Variants in ZNFX1 observed in about 807,000 individuals in gnomAD.
The protein encoded by ZNFX1 is zinc finger NFX1-type containing 1, also known as NFX1-type zinc finger-containing protein 1.
In ZNFX1, 78 loss-of-function variants were observed where a neutral mutation model predicts 179.8. That is an observed-to-expected ratio of 0.43 (90% CI 0.36 to 0.52). ZNFX1 has a LOEUF of 0.52. Among genes scored for constraint, ZNFX1 ranks in the 20% least tolerant of loss-of-function variants. The pLI is 0.00. For missense variants in ZNFX1, 1,927 were observed against 2,386.6 expected (o/e 0.81, Z 4.01); for synonymous variants, 848 against 868.5 (o/e 0.98, Z 0.42).
In ZNFX1 at chr20:49,248,546, C is replaced by A; in HGVS notation, c.4478G>T (p.Arg1493Leu). 1.2e-6 allele frequency: 2 copies of A among 1,614,192 alleles called. No homozygotes were observed. Among genetic ancestry groups the A allele is most frequent in the Non-Finnish European group, 1.7e-6 (2 of 1,180,040 alleles). The change falls in exon 14 of 14, where the codon CGC becomes CTC. Residue 1493 changes from arginine (R) to leucine (L), a missense_variant. Transcript: ENST00000396105. The surrounding 1 kb of genome is among the most constrained non-coding windows in gnomAD (Gnocchi z 4.6). ...CPPCQRTCQN[R>L]CVHSQCKKKC... is the part of the protein sequence containing the mutation. ...CTTCTTGCACTGGCTGTGGACACAGCGGTTCTGACAGGTCCGCTGGCAGGG... is the reference window on the plus strand; with the variant it reads ...CTTCTTGCACTGGCTGTGGACACAGAGGTTCTGACAGGTCCGCTGGCAGGG...
At chr20:49,275,120 C>T (rs1981521669) in intron 2 of ZNFX1, among the ~76,000 whole-genome samples, 1 of 131,186 alleles carries the variant, frequency 7.6e-6, no homozygotes, top group African/African-American at 2.5e-5. Flanking sequence ...GAGACTCTGT[C>T]TCAAAAAAAA....
chr20:49,255,126 C>A (rs1158773962), intron 9 of ZNFX1, among the ~76,000 whole-genome samples: 1 of 150,890 alleles, frequency 6.6e-6, no homozygotes, highest in Non-Finnish European at 1.5e-5. Flanking sequence ...CTCACTACAA[C>A]CTCCACCTCC....
chr20:49,277,123 T>G (rs1244576689), intron 1 of ZNFX1, among the ~76,000 whole-genome samples: 1 of 151,724 alleles, frequency 6.6e-6, no homozygotes, highest in Non-Finnish European at 1.5e-5. Context: ...AATCAAGGCC[T>G]AAAGGGCACG....
chr20:49,273,805 T>C (rs238187), intron 2 of ZNFX1, among the ~76,000 whole-genome samples: 101,764 of 152,006 alleles, frequency 0.67, 35,012 homozygotes, highest in Non-Finnish European at 0.76. Context: ...TGGTGCACGC[T>C]TGTGGTCCCA....
intron 4 of ZNFX1, among the ~76,000 whole-genome samples, 155 bp from the exon 5 acceptor site, chr20:49,265,019 G>A (rs1011888973): frequency 6.6e-6 from 1 of 152,130 alleles, no homozygotes; most frequent in Non-Finnish European, 1.5e-5. Flanking sequence ...GAAGGTCCCC[G>A]AGAAGATGTG....
At chr20:49,250,121 A>T (rs1191757085) in intron 13 of ZNFX1, among the ~76,000 whole-genome samples, 2 of 152,034 alleles carry the variant, frequency 1.3e-5, no homozygotes, top group African/African-American at 4.8e-5. Flanking sequence ...TGGGCGTGGT[A>T]GTGGGCGCCT....
At chr20:49,256,743 G>C (rs1400835434) in intron 8 of ZNFX1, among the ~76,000 whole-genome samples, 1 of 152,168 alleles carries the variant, frequency 6.6e-6, no homozygotes, top group Non-Finnish European at 1.5e-5. Context: ...ATACTGAACT[G>C]AACTAGATCA....
intron 4 of ZNFX1, 75 bp downstream of exon 4, chr20:49,266,060 T>C (rs530735495): frequency 1.6e-5 from 25 of 1,526,854 alleles, no homozygotes; most frequent in Admixed American, 4.0e-5. Flanking sequence ...TGAAGAGCAA[T>C]AGAAAGCTAC....
At chr20:49,257,290 G>C (rs1980991548) in intron 8 of ZNFX1, 127 bp downstream of exon 8, 14 of 1,328,078 alleles carry the variant, frequency 1.1e-5, no homozygotes, top group Non-Finnish European at 1.2e-5. Flanking sequence ...TCTCATACCA[G>C]GGGTAGGCTG....
Position 49,257,682 on chromosome 20 carries a change from G to T in ZNFX1, c.2417-18C>A, listed in dbSNP as rs772178787. 1 of 1,599,888 alleles carries T rather than the reference G, an allele frequency of 6.3e-7. No individual in the cohort carries two copies. Among genetic ancestry groups the T allele is most frequent in the Non-Finnish European group, 8.5e-7 (1 of 1,175,470 alleles). ...TGCCTGGGCTAAGAGAGAGAAACAG[G>T]CAGGAGAGAGATGAAAACTCTTTTT... On this transcript the variant is annotated intron_variant, in intron 7 of 13. Transcript: ENST00000396105.
chr20:49,248,939 G>A lies in ZNFX1; in HGVS notation c.4085C>T (p.Pro1362Leu). The A allele has an allele frequency of 6.2e-7, 1 of 1,614,230 alleles. No individual in the cohort carries two copies. The highest frequency in any genetic ancestry group is 8.5e-7 in the Non-Finnish European group (1 of 1,180,042). Reference sequence around the variant, plus strand: ...GAAATCTGACTCAGGCACGGAACAAGGGACCATTTGTTCATGGCCGCACCG... The same window carrying A: ...GAAATCTGACTCAGGCACGGAACAAAGGACCATTTGTTCATGGCCGCACCG... ...IPRCGHEQMV[P>L]CSVPESDFCC... Residue 1362 changes from proline (P) to leucine (L), a missense_variant, in exon 14 of 14, where the codon CCT becomes CTT. Coordinates refer to ENST00000396105, the MANE Select transcript of ZNFX1 (RefSeq NM_021035.3). The surrounding 1 kb of genome is among the most constrained non-coding windows in gnomAD (Gnocchi z 4.6).
At position 49,248,084 on chromosome 20, in the gene ZNFX1, T is replaced by C; in HGVS notation, c.4940A>G (p.Lys1647Arg). ...KQRLEEIEII[K>R]EKIQGSAGEI... is the part of the protein sequence containing the mutation. ...CCCTGCTGAGCCCTGGATCTTTTCC[T>C]TGATGATTTCAATCTCTTCTAGCCG... Residue 1647 changes from lysine (K) to arginine (R), a missense_variant, in exon 14 of 14, where the codon AAG (lysine) becomes AGG (arginine). By Grantham distance (26) the Lys-to-Arg change is conservative. Transcript: ENST00000396105. The surrounding 1 kb of genome is among the most constrained non-coding windows in gnomAD (Gnocchi z 4.6). 4.3e-6 allele frequency: 7 copies of C among 1,614,238 alleles called. No individual in the cohort carries two copies. The highest frequency in any genetic ancestry group is 5.9e-6 in the Non-Finnish European group (7 of 1,180,046).
chr20:49,247,281 G>C lies in ZNFX1; in HGVS notation c.5743C>G (p.Gln1915Glu). ...GTACCATCTTCCTACATCATCCCCT[G>C]GATCTCCTCAAAGTTCATCAGGTTG... ...ANNLMNFEEI[Q>E]GMM The change falls in exon 14 of 14, where the codon CAG (glutamine) becomes GAG (glutamate). Residue 1915 changes from glutamine (Q) to glutamate (E), a missense_variant. Physicochemically the swap from Gln to Glu is conservative, Grantham distance 29. Coordinates refer to ENST00000396105, the MANE Select transcript of ZNFX1 (RefSeq NM_021035.3). The C allele has an allele frequency of 6.2e-7, 1 of 1,606,966 alleles. No homozygotes were observed. The highest frequency in any genetic ancestry group is 8.5e-7 in the Non-Finnish European group (1 of 1,175,196).
chr20:49,264,672 G>A (rs377300834), intron 5 of ZNFX1, 44 bp downstream of exon 5: 1 of 1,602,962 alleles, frequency 6.2e-7, no homozygotes, highest in African/African-American at 1.3e-5. Flanking sequence ...ATCTTGTTTA[G>A]GTCCCTCTTG....
Position 49,270,157 on chromosome 20 carries a change from C to G in ZNFX1, c.1655G>C (p.Gly552Ala), listed in dbSNP as rs764917083. ...TAAGGGGGTAAAGTCGTATCTGCCC[C>G]CCATTAGCAAGTACCTTGGCTCCTT... is the stretch of plus-strand genomic sequence containing the variant. The part of the protein sequence containing the change: ...HVKEPRYLLM[G>A]GRYDFTPLIE... The change falls in exon 3 of 14, where the codon GGG becomes GCG. Residue 552 changes from glycine to alanine, a missense_variant. Gly to Ala is a moderately conservative substitution (Grantham distance 60, BLOSUM62 0). Transcript: ENST00000396105. This position sits in a 1 kb window ranked among gnomAD's most constrained non-coding sequence, Gnocchi z 4.6. 2 of 1,614,086 alleles carry G rather than the reference C, an allele frequency of 1.2e-6. No individual in the cohort carries two copies. The highest frequency in any genetic ancestry group is 2.2e-5 in the South Asian group (2 of 91,080).
chr20:49,265,204 G>A (rs1304111406), intron 4 of ZNFX1, among the ~76,000 whole-genome samples: 1 of 152,192 alleles, frequency 6.6e-6, no homozygotes, highest in African/African-American at 2.4e-5. Context: ...TAGGGCTACA[G>A]TCTGGATAAA....
At position 49,270,717 on chromosome 20, in the gene ZNFX1, AG is replaced by A. The variant is rs1981362241; in HGVS notation, c.1094del (p.Thr365MetfsTer36). ...PNIISGKYDSTAIYLDTHFRL... is the reference protein window; with the variant it reads ...PNIISGKYDSXAIYLDTHFRL... ...GGAAGTGGGTATCCAGATAGATAGC[AG>A]TGCTGTCGTATTTTCCAGAAATGAT... On this transcript the variant is annotated frameshift_variant, in exon 3 of 14. Transcript: ENST00000396105. LOFTEE classifies it high-confidence loss of function. This position sits in a 1 kb window ranked among gnomAD's most constrained non-coding sequence, Gnocchi z 4.6. The A allele has an allele frequency of 6.2e-7, 1 of 1,614,084 alleles. No homozygotes were observed. Among genetic ancestry groups the A allele is most frequent in the Non-Finnish European group, 8.5e-7 (1 of 1,180,052 alleles).
chr20:49,261,184 T>C (rs1037782050), intron 6 of ZNFX1, among the ~76,000 whole-genome samples: 2 of 151,996 alleles, frequency 1.3e-5, no homozygotes, highest in African/African-American at 2.4e-5. Flanking sequence ...CAGTGAGCTA[T>C]GATTATGCCA....
In ZNFX1 at chr20:49,270,883, C is replaced by T; in HGVS notation, c.929G>A (p.Arg310Gln). Residue 310 changes from arginine to glutamine, a missense_variant, in exon 3 of 14, where the codon CGA becomes CAA. Arg to Gln is a conservative substitution (Grantham distance 43). Coordinates refer to ENST00000396105, the MANE Select transcript of ZNFX1 (RefSeq NM_021035.3). This position sits in a 1 kb window ranked among gnomAD's most constrained non-coding sequence, Gnocchi z 4.6. ...TIIEHLQEKR[R>Q]EGTLRVDTYT... The stretch of plus-strand genomic sequence containing the variant: ...GGTATCCACTCTCAAAGTGCCCTCT[C>T]GCCTCTTTTCCTGCAGATGTTCAAT... 1 of 1,614,104 alleles carries T rather than the reference C, an allele frequency of 6.2e-7. No individual in the cohort carries two copies. The highest frequency in any genetic ancestry group is 1.1e-5 in the South Asian group (1 of 91,074).
Sources: allele counts gnomAD v4.1 joint callset (sites outside exome capture counted in the v4.1 genomes callset), GRCh38; gene constraint gnomAD v4.1.1; non-coding constraint Gnocchi (gnomAD v3.1); transcripts MANE v1.5; gene names NCBI Gene and HGNC (gene_info 2026-07-23, HGNC 2026-07-21).